ELAPOR2: variants seen among roughly 807,000 people sequenced by gnomAD.
ELAPOR2 encodes the protein endosome-lysosome associated apoptosis and autophagy regulator family member 2, also known as endosome/lysosome-associated apoptosis and autophagy regulator family member 2.
In ELAPOR2, 89 loss-of-function variants were observed where a neutral mutation model predicts 120.7. That is an observed-to-expected ratio of 0.74 (90% CI 0.62 to 0.88). The LOEUF is 0.88. ELAPOR2 is among the 40% of genes least tolerant of loss of function. ELAPOR2 has a pLI of 0.00. For synonymous variants in ELAPOR2, 444 were observed against 444.9 expected (o/e 1.00, Z 0.03); for missense variants, 1,134 against 1,251.6 (o/e 0.91, Z 1.42).
At chr7:87,004,746 T>G (rs79274208) in intron 1 of ELAPOR2, among the ~76,000 whole-genome samples, 1 of 152,156 alleles carries the variant, frequency 6.6e-6, no homozygotes, top group Non-Finnish European at 1.5e-5. Flanking sequence ...ATTCTCATCA[T>G]GAAGGCCATC....
chr7:87,026,589 C>A (rs1409737590), intron 1 of ELAPOR2, among the ~76,000 whole-genome samples: 3 of 151,946 alleles, frequency 2.0e-5, no homozygotes, highest in Non-Finnish European at 2.9e-5. Context: ...CTAATTTTTA[C>A]CACAGCTGTT....
intron 8 of ELAPOR2, among the ~76,000 whole-genome samples, chr7:86,936,462 A>C (rs543217587): frequency 1.3e-4 from 20 of 152,134 alleles, no homozygotes; most frequent in Non-Finnish European, 2.6e-4. Flanking sequence ...TGCAATCTAA[A>C]GTTCATTACA....
At chr7:87,000,684 T>C (rs534573256) in intron 1 of ELAPOR2, among the ~76,000 whole-genome samples, 2 of 152,252 alleles carry the variant, frequency 1.3e-5, no homozygotes, top group East Asian at 3.9e-4. Context: ...GTTTGTTAAA[T>C]ACAAACACAG....
intron 1 of ELAPOR2, among the ~76,000 whole-genome samples, chr7:87,034,569 C>G (rs1392641863): frequency 1.3e-5 from 2 of 151,640 alleles, no homozygotes; most frequent in Non-Finnish European, 2.9e-5. Context: ...CCTAGCATAA[C>G]AGGCTCAGAT....
chr7:86,908,312 T>A, intron 17 of ELAPOR2, 135 bp downstream of exon 17: 2 of 560,728 alleles, frequency 3.6e-6, no homozygotes, highest in South Asian at 2.4e-5. Flanking sequence ...ACATAGTTGA[T>A]CTTCTCTGCC....
chr7:87,035,237 C>A (rs1373797481), intron 1 of ELAPOR2, among the ~76,000 whole-genome samples: 1 of 152,094 alleles, frequency 6.6e-6, no homozygotes, highest in Non-Finnish European at 1.5e-5. Context: ...TGTCAAAGTT[C>A]AGTAAATTAG....
chr7:87,018,765 A>G (rs1465085253), intron 1 of ELAPOR2, among the ~76,000 whole-genome samples: 1 of 152,206 alleles, frequency 6.6e-6, no homozygotes, highest in Non-Finnish European at 1.5e-5. Context: ...TTTTCTTGTG[A>G]TATGTGTCTG....
At chr7:86,915,949 G>T (rs1367223042) in intron 12 of ELAPOR2, among the ~76,000 whole-genome samples, 1 of 151,810 alleles carries the variant, frequency 6.6e-6, no homozygotes, top group Non-Finnish European at 1.5e-5. Context: ...ATCATTATGG[G>T]TTATAATAAT....
intron 1 of ELAPOR2, among the ~76,000 whole-genome samples, chr7:87,040,753 G>C (rs569656161): frequency 6.6e-6 from 1 of 152,240 alleles, no homozygotes; most frequent in Non-Finnish European, 1.5e-5. Context: ...ACGGAACAAA[G>C]CTGGATGGAG....
intron 1 of ELAPOR2, among the ~76,000 whole-genome samples, chr7:87,057,532 A>C (rs1277155455): frequency 6.6e-6 from 1 of 152,122 alleles, no homozygotes; most frequent in Non-Finnish European, 1.5e-5. Context: ...ATTTATTCTC[A>C]TTTTTCAGAA....
In ELAPOR2 at chr7:86,890,633, G is replaced by A. The variant is rs1469415192; in HGVS notation, c.3030+1091C>T. Among the ~76,000 whole-genome samples, 5 of 152,018 alleles carry A rather than the reference G, an allele frequency of 3.3e-5. No individual in the cohort carries two copies. In the East Asian group the frequency reaches 9.7e-4, roughly 29 times the overall value. ...CCTTCATCTCTGACATGACTCTCAT[G>A]TCTTCTAAACTGTCCATGAAACTGT... On this transcript the variant is annotated intron_variant, in intron 21 of 21. Coordinates refer to ENST00000450689, the MANE Select transcript of ELAPOR2 (RefSeq NM_001142749.3).
intron 11 of ELAPOR2, among the ~76,000 whole-genome samples, 198 bp from the exon 12 acceptor site, chr7:86,918,742 G>A (rs1054044301): frequency 6.6e-6 from 1 of 151,986 alleles, no homozygotes; most frequent in African/African-American, 2.4e-5. Flanking sequence ...ACATAACGAT[G>A]GTAATATGCT....
intron 21 of ELAPOR2, among the ~76,000 whole-genome samples, chr7:86,884,059 G>A (rs1391666503): frequency 6.6e-6 from 1 of 152,086 alleles, no homozygotes; most frequent in Non-Finnish European, 1.5e-5. Flanking sequence ...AAATTTGTAT[G>A]GTGGGCATAT....
chr7:86,982,441 C>A (rs1792538182), intron 1 of ELAPOR2, among the ~76,000 whole-genome samples: 1 of 152,136 alleles, frequency 6.6e-6, no homozygotes, highest in Non-Finnish European at 1.5e-5. Context: ...AGGTGGGTGC[C>A]CCTCTGGGAT....
chr7:86,964,355 C>A (rs928698452), intron 2 of ELAPOR2, among the ~76,000 whole-genome samples: 8 of 152,088 alleles, frequency 5.3e-5, no homozygotes, highest in Admixed American at 3.9e-4. Flanking sequence ...CTTCAAACCT[C>A]CCAAAAGACA....
At chr7:86,985,939 C>T (rs532090762) in intron 1 of ELAPOR2, among the ~76,000 whole-genome samples, 2 of 151,476 alleles carry the variant, frequency 1.3e-5, no homozygotes, top group East Asian at 3.9e-4. Context: ...TTATGACAAA[C>T]TCACAGCCAA....
At chr7:86,988,935 A>C (rs369768680) in intron 1 of ELAPOR2, among the ~76,000 whole-genome samples, 1 of 152,362 alleles carries the variant, frequency 6.6e-6, no homozygotes. Context: ...TAAAAAAGAC[A>C]AAGTGAAAGC....
chr7:87,027,485 A>C (rs770124421), intron 1 of ELAPOR2, among the ~76,000 whole-genome samples: 3 of 152,160 alleles, frequency 2.0e-5, no homozygotes, highest in Admixed American at 1.3e-4. Context: ...TTGTGTCCCC[A>C]AAAAATTCAC....
chr7:86,978,721 T>C (rs1215961144), intron 1 of ELAPOR2, among the ~76,000 whole-genome samples: 1 of 152,224 alleles, frequency 6.6e-6, no homozygotes, highest in East Asian at 1.9e-4. Flanking sequence ...AATTTCCTTG[T>C]CTATCTGTAA....
Sources: allele counts gnomAD v4.1 joint callset (sites outside exome capture counted in the v4.1 genomes callset), GRCh38; gene constraint gnomAD v4.1.1; transcripts MANE v1.5; gene names NCBI Gene and HGNC (gene_info 2026-07-23, HGNC 2026-07-21).